FAT3: variants seen among roughly 807,000 people sequenced by gnomAD.
FAT3 encodes protocadherin Fat 3.
FAT3 carries 95 observed loss-of-function variants against 310.2 expected under a neutral mutation model. The observed-to-expected ratio is 0.31, with a 90% CI of 0.26 to 0.36. FAT3 has a LOEUF of 0.36. FAT3 is among the 10% of genes least tolerant of loss of function. FAT3 has a pLI of 1.00. For missense variants in FAT3, 5,408 were observed against 5,715.6 expected (o/e 0.95, Z 1.74); for synonymous variants, 2,314 against 2,192.9 (o/e 1.06, Z -1.54).
chr11:92,567,228 C>T (rs1452453009), intron 3 of FAT3, among the ~76,000 whole-genome samples: 1 of 110,134 alleles, frequency 9.1e-6, no homozygotes, highest in Non-Finnish European at 1.9e-5. Flanking sequence ...GGGCGAAGGA[C>T]ATGAACAGAC....
intron 1 of FAT3, among the ~76,000 whole-genome samples, chr11:92,293,069 G>T (rs1292869508): frequency 2.2e-5 from 3 of 137,466 alleles, no homozygotes; most frequent in African/African-American, 8.8e-5. Context: ...AGGAAGGAAG[G>T]AAGGAAGGAA....
At chr11:92,796,347 G>T (rs1360221366) in intron 9 of FAT3, among the ~76,000 whole-genome samples, 2 of 152,142 alleles carry the variant, frequency 1.3e-5, no homozygotes, top group East Asian at 1.9e-4. Flanking sequence ...TCACATTTGG[G>T]GGGGCTGGAA....
At chr11:92,380,961 A>C (rs147624695) in intron 2 of FAT3, among the ~76,000 whole-genome samples, 1 of 152,266 alleles carries the variant, frequency 6.6e-6, no homozygotes, top group African/African-American at 2.4e-5. Context: ...TACTACCTCT[A>C]TTTAGTTCCA....
intron 19 of FAT3, among the ~76,000 whole-genome samples, chr11:92,849,296 C>T (rs1485753868): frequency 6.6e-6 from 1 of 152,198 alleles, no homozygotes; most frequent in Non-Finnish European, 1.5e-5. Flanking sequence ...CAAACTCCCA[C>T]CCACAGCAGA....
chr11:92,321,298 G>A lies in FAT3; in HGVS notation c.-17-30798G>A, dbSNP rs188416452. On this transcript the variant is annotated intron_variant, in intron 1 of 27. Coordinates refer to ENST00000525166, the MANE Select transcript of FAT3 (RefSeq NM_001367949.2). ...AAAAATACAAAAAAAATAGCCAGGCGTGGTGGCGGGTGCCTGTAGTCCCAG... is the reference window on the plus strand; with the variant it reads ...AAAAATACAAAAAAAATAGCCAGGCATGGTGGCGGGTGCCTGTAGTCCCAG... Among the ~76,000 whole-genome samples the A allele has an allele frequency of 2.1e-3, 313 of 152,144 alleles. 2 individuals are homozygous for A. The highest frequency in any genetic ancestry group is 6.9e-3 in the African/African-American group (285 of 41,534).
intron 2 of FAT3, among the ~76,000 whole-genome samples, chr11:92,446,778 C>G (rs1158540384): frequency 6.6e-6 from 1 of 152,022 alleles, no homozygotes; most frequent in Admixed American, 6.5e-5. Flanking sequence ...TAGTTTTTGA[C>G]CTGTTGGTGT....
intron 2 of FAT3, among the ~76,000 whole-genome samples, chr11:92,523,973 C>T (rs1462167015): frequency 6.6e-6 from 1 of 151,938 alleles, no homozygotes; most frequent in East Asian, 1.9e-4. Flanking sequence ...TTATTAGGGC[C>T]CTCTGTAGAG....
intron 2 of FAT3, among the ~76,000 whole-genome samples, chr11:92,451,210 T>TC (rs1951344869): frequency 6.6e-6 from 1 of 152,112 alleles, no homozygotes; most frequent in African/African-American, 2.4e-5. Context: ...ACTCGCCTTG[T>TC]GTGGTGAAGA....
intron 1 of FAT3, among the ~76,000 whole-genome samples, chr11:92,334,673 C>CCATT (rs1948008834): frequency 6.6e-6 from 1 of 152,108 alleles, no homozygotes; most frequent in Middle Eastern, 3.4e-3. Flanking sequence ...GCAAATAATG[C>CCATT]CATTCATTCA....
chr11:92,607,928 G>A (rs1344111853), intron 3 of FAT3, among the ~76,000 whole-genome samples: 5 of 151,860 alleles, frequency 3.3e-5, no homozygotes, highest in Non-Finnish European at 5.9e-5. Context: ...CTTTGAGCTG[G>A]CATCTATCAT....
At chr11:92,254,668 A>G (rs2134286540) in intron 1 of FAT3, among the ~76,000 whole-genome samples, 1 of 152,134 alleles carries the variant, frequency 6.6e-6, no homozygotes, top group East Asian at 1.9e-4. Context: ...AGCCATGGTG[A>G]GGTCAGGGGA....
At chr11:92,449,390 C>G (rs1951297171) in intron 2 of FAT3, among the ~76,000 whole-genome samples, 1 of 152,142 alleles carries the variant, frequency 6.6e-6, no homozygotes, top group East Asian at 1.9e-4. Context: ...CATCTGAGCT[C>G]TGGGAGGGGC....
At chr11:92,344,439 G>A (rs370736263) in intron 1 of FAT3, among the ~76,000 whole-genome samples, 21 of 152,114 alleles carry the variant, frequency 1.4e-4, no homozygotes, top group Non-Finnish European at 3.1e-4. Context: ...TCCTGGTATT[G>A]CAGTATTTGT....
At chr11:92,666,633 TA>T (rs1942963748) in intron 3 of FAT3, among the ~76,000 whole-genome samples, 1 of 152,006 alleles carries the variant, frequency 6.6e-6, no homozygotes, top group African/African-American at 2.4e-5. Flanking sequence ...GTGCTGAGAT[TA>T]CAGGCATGAG....
chr11:92,724,929 A>G (rs1286094141), intron 4 of FAT3, among the ~76,000 whole-genome samples: 1 of 152,232 alleles, frequency 6.6e-6, no homozygotes, highest in African/African-American at 2.4e-5. Flanking sequence ...CTATATTATA[A>G]TATCTATTTT....
intron 3 of FAT3, among the ~76,000 whole-genome samples, chr11:92,567,330 A>T (rs1412670712): frequency 6.7e-6 from 1 of 149,442 alleles, no homozygotes; most frequent in African/African-American, 2.5e-5. Flanking sequence ...TCAAAACCAC[A>T]ATGAGATACC....
intron 2 of FAT3, among the ~76,000 whole-genome samples, chr11:92,452,034 G>A (rs928196045): frequency 6.6e-6 from 1 of 152,118 alleles, no homozygotes; most frequent in Non-Finnish European, 1.5e-5. Flanking sequence ...TTTATACATA[G>A]ATAGGCAGAT....
chr11:92,352,823 A>T lies in FAT3; in HGVS notation c.711A>T (p.Gly237=). 1 of 1,613,936 alleles carries T rather than the reference A, an allele frequency of 6.2e-7. No homozygotes were observed. The highest frequency in any genetic ancestry group is 8.5e-7 in the Non-Finnish European group (1 of 1,179,870). Residue 237 remains glycine (G), a synonymous_variant, in exon 2 of 28, where the codon GGA becomes GGT. Coordinates refer to ENST00000525166, the MANE Select transcript of FAT3 (RefSeq NM_001367949.2). The part of the protein sequence containing the change: ...YDLEILAVDR[G]MKLYGNNGVS... The stretch of plus-strand genomic sequence containing the variant: ...TGGAAATTTTGGCTGTGGACCGGGG[A>T]ATGAAACTGTATGGGAACAATGGAG...
At chr11:92,282,753 A>C (rs1245341749) in intron 1 of FAT3, among the ~76,000 whole-genome samples, 2 of 152,152 alleles carry the variant, frequency 1.3e-5, no homozygotes, top group African/African-American at 4.8e-5. Context: ...AAGTGTACGA[A>C]ACATCTTGTT....
Sources: gnomAD v4.1 joint callset for allele counts (sites outside exome capture counted in the v4.1 genomes callset) on GRCh38, gnomAD v4.1.1 for gene constraint, MANE v1.5 for transcripts, NCBI Gene and HGNC (gene_info 2026-07-23, HGNC 2026-07-21) for gene names.